The following REC114 variants were observed in gnomAD, a reference collection of about 807,000 sequenced individuals.
REC114 encodes REC114 meiotic recombination protein, also known as meiotic recombination protein REC114.
In REC114, 27 loss-of-function variants were observed where a neutral mutation model predicts 31.3. The observed-to-expected ratio is 0.86, with a 90% CI of 0.64 to 1.19. The LOEUF (loss-of-function observed/expected upper bound fraction) is 1.19. REC114 is among the 50% of genes most tolerant of loss of function. REC114 has a pLI of 0.00. For synonymous variants in REC114, 134 were observed against 127.7 expected (o/e 1.05, Z -0.33); for missense variants, 344 against 326.9 (o/e 1.05, Z -0.40).
At chr15:73,557,590 G>A (rs1384270107) in intron 5 of REC114, among the ~76,000 whole-genome samples, 1 of 152,104 alleles carries the variant, frequency 6.6e-6, no homozygotes, top group Non-Finnish European at 1.5e-5. Context: ...CCAGCAGCAG[G>A]ACTAATGCCC....
At chr15:73,518,072 A>T (rs1375356957) in intron 2 of REC114, among the ~76,000 whole-genome samples, 1 of 152,236 alleles carries the variant, frequency 6.6e-6, no homozygotes, top group African/African-American at 2.4e-5. Flanking sequence ...GTTAATTGCT[A>T]TGTTAAATGA....
intron 2 of REC114, among the ~76,000 whole-genome samples, chr15:73,493,748 T>A (rs928367742): frequency 6.6e-6 from 1 of 152,236 alleles, no homozygotes. Context: ...ATTTCTTCTG[T>A]AAGGAATCAG....
chr15:73,536,951 G>A (rs7172448), intron 2 of REC114, among the ~76,000 whole-genome samples: 15,399 of 152,096 alleles, frequency 0.1, 985 homozygotes, highest in African/African-American at 0.18. Context: ...GCTGAGGTTT[G>A]GGATACAAAT....
Position 73,488,925 on chromosome 15 carries a change from TCTTG to T in REC114, c.249+15005_249+15008del, listed in dbSNP as rs1348609471. Among the ~76,000 whole-genome samples the T allele has an allele frequency of 1.2e-4, 19 of 152,300 alleles. No individual in the cohort carries two copies. The East Asian group carries it at 2.5e-3, about 20-fold the overall frequency. On this transcript the variant is annotated intron_variant, in intron 2 of 5. Coordinates refer to ENST00000331090, the MANE Select transcript of REC114 (RefSeq NM_001042367.2). ...GGTATTTGTTATAGTAACACCCCTT[TCTTG>T]GTACCAATTTCTGTCTTAGTCCATT...
intron 2 of REC114, among the ~76,000 whole-genome samples, chr15:73,492,701 T>C (rs538388834): frequency 3.9e-5 from 6 of 152,354 alleles, no homozygotes; most frequent in Admixed American, 3.9e-4. Flanking sequence ...TCATAGAGTA[T>C]GCTTTGGTAG....
intron 1 of REC114, among the ~76,000 whole-genome samples, chr15:73,466,344 G>C (rs1228586826): frequency 6.6e-6 from 1 of 151,916 alleles, no homozygotes; most frequent in Non-Finnish European, 1.5e-5. Flanking sequence ...CACGAGGTCA[G>C]GAGTTTGAGA....
intron 2 of REC114, among the ~76,000 whole-genome samples, chr15:73,501,990 T>C (rs1295711410): frequency 6.6e-6 from 1 of 152,086 alleles, no homozygotes; most frequent in Admixed American, 6.5e-5. Context: ...TTGTGGAAAA[T>C]GCAACTCAAA....
intron 1 of REC114, among the ~76,000 whole-genome samples, chr15:73,455,213 A>G (rs1384518298): frequency 2.0e-5 from 3 of 152,194 alleles, no homozygotes; most frequent in Non-Finnish European, 2.9e-5. Flanking sequence ...TGAGCCATCT[A>G]AAGAACTGTA....
At chr15:73,475,392 C>G (rs984422270) in intron 2 of REC114, among the ~76,000 whole-genome samples, 2 of 152,168 alleles carry the variant, frequency 1.3e-5, no homozygotes, top group Admixed American at 1.3e-4. Flanking sequence ...GAGAGGACCA[C>G]AGATATGATA....
At chr15:73,484,258 A>G (rs1028422998) in intron 2 of REC114, among the ~76,000 whole-genome samples, 1 of 152,062 alleles carries the variant, frequency 6.6e-6, no homozygotes. Context: ...TTTTTAGGGT[A>G]GGGACTAGAA....
chr15:73,518,994 G>C (rs1340288691), intron 2 of REC114, among the ~76,000 whole-genome samples: 2 of 152,146 alleles, frequency 1.3e-5, no homozygotes, highest in African/African-American at 4.8e-5. Flanking sequence ...TTCAGCATCA[G>C]TAATCATTAG....
chr15:73,519,927 T>G (rs1267669139), intron 2 of REC114, among the ~76,000 whole-genome samples: 1 of 152,082 alleles, frequency 6.6e-6, no homozygotes, highest in Non-Finnish European at 1.5e-5. Context: ...GTAGCGAAAC[T>G]CATAGAAACA....
intron 1 of REC114, among the ~76,000 whole-genome samples, chr15:73,448,057 G>A (rs1487808390): frequency 1.3e-5 from 2 of 152,050 alleles, no homozygotes; most frequent in Non-Finnish European, 2.9e-5. Flanking sequence ...AAAACTGGGT[G>A]GCCATTTGGG....
intron 2 of REC114, among the ~76,000 whole-genome samples, chr15:73,484,393 T>C (rs980224954): frequency 6.6e-6 from 1 of 152,164 alleles, no homozygotes; most frequent in African/African-American, 2.4e-5. Flanking sequence ...CTCGGCTTCT[T>C]CTGTCCTGGA....
chr15:73,518,062 G>A (rs978254301), intron 2 of REC114, among the ~76,000 whole-genome samples: 1 of 152,182 alleles, frequency 6.6e-6, no homozygotes, highest in African/African-American at 2.4e-5. Context: ...AAACCAATTT[G>A]TTAATTGCTA....
chr15:73,540,593 C>G, intron 3 of REC114, 25 bp downstream of exon 3: 1 of 1,574,514 alleles, frequency 6.4e-7, no homozygotes, highest in Non-Finnish European at 8.7e-7. Flanking sequence ...AATGATCACA[C>G]TCTTCTCATC....
chr15:73,515,196 G>A (rs1262306586), intron 2 of REC114, among the ~76,000 whole-genome samples: 1 of 152,142 alleles, frequency 6.6e-6, no homozygotes, highest in Non-Finnish European at 1.5e-5. Flanking sequence ...CTCCCAAAGT[G>A]CTGGGATTAC....
At chr15:73,482,616 T>G (rs1408578608) in intron 2 of REC114, among the ~76,000 whole-genome samples, 1 of 152,242 alleles carries the variant, frequency 6.6e-6, no homozygotes, top group Non-Finnish European at 1.5e-5. Flanking sequence ...TTTTGGACTG[T>G]TTCACTTAGC....
Position 73,499,296 on chromosome 15 carries a change from T to C in REC114, c.249+25375T>C, listed in dbSNP as rs1187793314. 8.5e-5 allele frequency among the ~76,000 whole-genome samples: 13 copies of C among 152,142 alleles called. 1 individual carries two copies. In the East Asian group the frequency reaches 2.5e-3, roughly 30 times the overall value. On this transcript the variant is annotated intron_variant, in intron 2 of 5. Transcript: ENST00000331090. ...ACCAGTTATGAGGAGGCAAGTATTATGGAAAAATATTTTTCATTCCTGCAA... is the reference window on the plus strand; with the variant it reads ...ACCAGTTATGAGGAGGCAAGTATTACGGAAAAATATTTTTCATTCCTGCAA...
Sources: allele counts gnomAD v4.1 joint callset (sites outside exome capture counted in the v4.1 genomes callset), GRCh38; gene constraint gnomAD v4.1.1; transcripts MANE v1.5; gene names NCBI Gene and HGNC (gene_info 2026-07-23, HGNC 2026-07-21).